The following PARD3 variants were observed in gnomAD, a reference collection of about 807,000 sequenced individuals.
PARD3 encodes the protein partitioning defective 3 homolog.
Under a neutral mutation model 155.4 loss-of-function variants are expected in PARD3, and 75 were observed. The ratio of observed to expected loss-of-function variants is 0.48; its 90% CI spans 0.40 to 0.58. PARD3 has a LOEUF of 0.58. PARD3 is among the 20% of genes least tolerant of loss of function. PARD3 has a pLI of 0.00. For missense variants in PARD3, 1,642 were observed against 1,721.7 expected, an observed-to-expected ratio of 0.95 and a Z score of 0.82; for synonymous variants, 576 against 610.5, an observed-to-expected ratio of 0.94 and a Z score of 0.83.
chr10:34,578,592 T>C (rs1464846058), intron 2 of PARD3, among the ~76,000 whole-genome samples: 1 of 152,172 alleles, frequency 6.6e-6, no homozygotes, highest in Non-Finnish European at 1.5e-5. Flanking sequence ...AACTCAGAGG[T>C]GAGTTCTATT....
intron 2 of PARD3, among the ~76,000 whole-genome samples, chr10:34,624,226 T>G (rs183386332): frequency 6.6e-6 from 1 of 152,156 alleles, no homozygotes; most frequent in African/African-American, 2.4e-5. Flanking sequence ...CAGGAAAAGG[T>G]GTGTAACAAG....
intron 3 of PARD3, among the ~76,000 whole-genome samples, chr10:34,495,215 G>C (rs1434592177): frequency 6.6e-6 from 1 of 151,584 alleles, no homozygotes; most frequent in Admixed American, 6.6e-5. Flanking sequence ...CACAAGCACA[G>C]TGGTCACTGT....
Position 34,674,266 on chromosome 10 carries a change from A to C in PARD3, c.222+22052T>G, listed in dbSNP as rs560396888. Among the ~76,000 whole-genome samples, 6 of 152,284 alleles carry C rather than the reference A, an allele frequency of 3.9e-5. No homozygotes were observed. The South Asian group carries it at 1.2e-3, about 32-fold the overall frequency. On this transcript the variant is annotated intron_variant, in intron 2 of 24. Coordinates refer to ENST00000374788, the MANE Select transcript of PARD3 (RefSeq NM_001184785.2). ...TTTAACACTGCCACAGCAACACCTG[A>C]AAGTTACCACCTTTTTCTAGAAAGA...
At chr10:34,199,486 A>C in intron 22 of PARD3, among the ~76,000 whole-genome samples, 1 of 152,092 alleles carries the variant, frequency 6.6e-6, no homozygotes, top group African/African-American at 2.4e-5. Context: ...GTGAAGGCAG[A>C]GCTCAGAGTT....
chr10:34,768,870 T>C (rs1838473437), intron 1 of PARD3, among the ~76,000 whole-genome samples: 1 of 152,160 alleles, frequency 6.6e-6, no homozygotes, highest in South Asian at 2.1e-4. Context: ...CCAGGCATGG[T>C]GACAGAGCTC....
chr10:34,419,470 T>C (rs1396326771), intron 5 of PARD3, among the ~76,000 whole-genome samples: 10 of 152,044 alleles, frequency 6.6e-5, no homozygotes, highest in South Asian at 4.1e-4. Context: ...TGAGCAGAGA[T>C]TGTGCCACTG....
At chr10:34,170,903 T>A (rs1949755817) in intron 22 of PARD3, among the ~76,000 whole-genome samples, 1 of 152,246 alleles carries the variant, frequency 6.6e-6, no homozygotes, top group Non-Finnish European at 1.5e-5. Flanking sequence ...GCTGGCTCCC[T>A]GGAATAATGT....
At chr10:34,699,945 G>A (rs1402561622) in intron 1 of PARD3, among the ~76,000 whole-genome samples, 4 of 152,128 alleles carry the variant, frequency 2.6e-5, no homozygotes, top group African/African-American at 9.7e-5. Flanking sequence ...TACAATAATT[G>A]TATCAGTCAT....
intron 2 of PARD3, among the ~76,000 whole-genome samples, chr10:34,558,819 C>T (rs544477917): frequency 2.0e-5 from 3 of 152,236 alleles, no homozygotes; most frequent in South Asian, 2.1e-4. Context: ...TCGTGGCATA[C>T]GCCTGTAATG....
At chr10:34,554,385 G>A (rs2084824973) in intron 2 of PARD3, among the ~76,000 whole-genome samples, 1 of 152,196 alleles carries the variant, frequency 6.6e-6, no homozygotes, top group African/African-American at 2.4e-5. Context: ...TAGTAATGAA[G>A]TGTTGACAAA....
chr10:34,765,451 G>A (rs1278597187), intron 1 of PARD3, among the ~76,000 whole-genome samples: 1 of 152,024 alleles, frequency 6.6e-6, no homozygotes, highest in Non-Finnish European at 1.5e-5. Flanking sequence ...GCTGAGGCGG[G>A]TAGATCACCT....
chr10:34,115,862 A>G (rs975597387), intron 24 of PARD3, among the ~76,000 whole-genome samples: 26 of 151,928 alleles, frequency 1.7e-4, no homozygotes, highest in Admixed American at 1.4e-3. Flanking sequence ...ACACGCGCCC[A>G]CCACCAAGCC....
intron 22 of PARD3, among the ~76,000 whole-genome samples, chr10:34,165,896 A>G (rs1949506252): frequency 6.6e-6 from 1 of 152,230 alleles, no homozygotes; most frequent in Non-Finnish European, 1.5e-5. Context: ...ATCACCTGGT[A>G]AGTGTTTCAC....
intron 1 of PARD3, among the ~76,000 whole-genome samples, chr10:34,741,496 A>G (rs2133885350): frequency 6.6e-6 from 1 of 152,200 alleles, no homozygotes; most frequent in South Asian, 2.1e-4. Context: ...ATTTTTATTT[A>G]TAAAAAGAAA....
intron 24 of PARD3, among the ~76,000 whole-genome samples, chr10:34,111,842 G>A (rs1390523630): frequency 4.6e-5 from 7 of 152,166 alleles, no homozygotes; most frequent in African/African-American, 1.4e-4. Context: ...GTCTGAGAAG[G>A]TTGTGTCTGT....
chr10:34,199,817 T>A (rs181975008), intron 22 of PARD3, among the ~76,000 whole-genome samples: 1 of 152,248 alleles, frequency 6.6e-6, no homozygotes, highest in Admixed American at 6.5e-5. Context: ...AAGTCCCTCG[T>A]TAGAGCAATT....
chr10:34,451,154 G>A (rs988617526), intron 4 of PARD3, among the ~76,000 whole-genome samples: 16 of 152,134 alleles, frequency 1.1e-4, no homozygotes, highest in Admixed American at 2.0e-4. Context: ...CAAATGCTAC[G>A]TGATATTTCT....
At chr10:34,473,300 GGT>G (rs1229002097) in intron 3 of PARD3, among the ~76,000 whole-genome samples, 1 of 152,104 alleles carries the variant, frequency 6.6e-6, no homozygotes, top group African/African-American at 2.4e-5. Context: ...CGCAATTTCA[GGT>G]GCCACGTTTA....
intron 2 of PARD3, 41 bp from the exon 3 acceptor site, chr10:34,517,200 CTTAA>C: frequency 6.4e-7 from 1 of 1,563,090 alleles, no homozygotes; most frequent in Non-Finnish European, 8.7e-7. Context: ...AATAAAGGCA[CTTAA>C]TTAACTACCA....
Sources: gnomAD v4.1 joint callset for allele counts (sites outside exome capture counted in the v4.1 genomes callset) on GRCh38, gnomAD v4.1.1 for gene constraint, MANE v1.5 for transcripts, NCBI Gene and HGNC (gene_info 2026-07-23, HGNC 2026-07-21) for gene names.